The following FOXP4 variants were observed in gnomAD, a reference collection of about 807,000 sequenced individuals.
FOXP4 encodes forkhead box P4, also known as forkhead box protein P4.
FOXP4 carries 25 observed loss-of-function variants against 82.6 expected under a neutral mutation model. That is an observed-to-expected ratio of 0.30 (90% confidence interval 0.22 to 0.42). FOXP4 has a LOEUF of 0.42. Ranked by LOEUF, FOXP4 falls within the 10% of genes least tolerant of loss-of-function variation. The pLI is 1.00. For missense variants in FOXP4, 785 were observed against 900.9 expected (o/e 0.87, Z 1.65); for synonymous variants, 415 against 388.2 (o/e 1.07, Z -0.81).
Position 41,565,836 on chromosome 6 carries a change from C to T in FOXP4, c.76C>T (p.Gln26Ter), listed in dbSNP as rs762295318. Reference sequence around the variant, plus strand: ...GAATGGCGTGGGCAGCCTCTCTGGGCAAGCCGATGGCAGCAGCGGCGGGGC... The same window carrying T: ...GAATGGCGTGGGCAGCCTCTCTGGGTAAGCCGATGGCAGCAGCGGCGGGGC... ...GQNGVGSLSG[Q>*]ADGSSGGATG... Residue 26 changes from glutamine to a stop codon, truncating the protein, a stop_gained, in exon 2 of 17, where the codon CAA becomes TAA. Transcript: ENST00000307972. LOFTEE classifies it high-confidence loss of function. 1 of 1,609,814 alleles carries T rather than the reference C, an allele frequency of 6.2e-7. No homozygotes were observed. The highest frequency in any genetic ancestry group is 8.5e-7 in the Non-Finnish European group (1 of 1,178,388).
At chr6:41,589,547 G>T (rs984807335) in intron 9 of FOXP4, among the ~76,000 whole-genome samples, 9 of 152,228 alleles carry the variant, frequency 5.9e-5, no homozygotes, top group African/African-American at 2.2e-4. Context: ...TCACCATCCA[G>T]GGGAGAAAGG....
intron 7 of FOXP4, 22 bp downstream of exon 7, chr6:41,587,534 G>A (rs771821096): frequency 2.0e-6 from 3 of 1,513,114 alleles, no homozygotes; most frequent in Middle Eastern, 1.8e-4. Flanking sequence ...CAGGCTGGGA[G>A]GGGCATCAAA....
rs1264400115 is a variant in FOXP4 at position 41,554,042 on chromosome 6, G to A, written c.-17+7175G>A. 3.3e-5 allele frequency among the ~76,000 whole-genome samples: 5 copies of A among 152,268 alleles called. No homozygotes were observed. In the East Asian group the frequency reaches 9.7e-4, roughly 29 times the overall value. ...GCAGGTAGAGCTAGGTAGTCACCAG[G>A]CCCTGACTGAGGAACTGTGCTTTGC... On this transcript the variant is annotated intron_variant, in intron 1 of 16. Transcript: ENST00000307972.
chr6:41,596,566 G>GT (rs911939911), intron 14 of FOXP4, among the ~76,000 whole-genome samples: 9 of 151,896 alleles, frequency 5.9e-5, no homozygotes, highest in African/African-American at 1.9e-4. Flanking sequence ...ACCTTTGGCT[G>GT]TTTCCTTAAG....
intron 14 of FOXP4, among the ~76,000 whole-genome samples, chr6:41,595,760 G>A (rs1275571292): frequency 6.6e-6 from 1 of 151,418 alleles, no homozygotes; most frequent in African/African-American, 2.4e-5. Context: ...CCACGACCAC[G>A]CCCGGCTAAT....
intron 1 of FOXP4, chr6:41,547,696 T>C (rs1763728157): frequency 6.6e-6 from 1 of 152,120 alleles, no homozygotes; most frequent in African/African-American, 2.4e-5. Context: ...GAGCTCCCGC[T>C]TCACCACTTA....
intron 2 of FOXP4, among the ~76,000 whole-genome samples, chr6:41,568,368 G>C (rs1270389938): frequency 2.0e-5 from 3 of 152,192 alleles, no homozygotes; most frequent in Non-Finnish European, 4.4e-5. Context: ...GAGTTGTCAA[G>C]ATGGCACAAT....
chr6:41,587,731 G>A (rs1356131618), intron 7 of FOXP4, 62 bp from the exon 8 acceptor site: 2 of 1,180,926 alleles, frequency 1.7e-6, no homozygotes, highest in Non-Finnish European at 2.4e-6. Context: ...GTGCTCAGCT[G>A]ACTACAGGGC....
chr6:41,590,252 C>T lies in FOXP4; in HGVS notation c.1358-19C>T, dbSNP rs371984069. On this transcript the variant is annotated intron_variant, in intron 11 of 16. Coordinates refer to ENST00000307972, the MANE Select transcript of FOXP4 (RefSeq NM_001012426.2). ...TGAGCCCCATATCTGGCTACCTCAT[C>T]CTCTGCCTGTCTCCCCAGAGCTGGC... The T allele has an allele frequency of 3.3e-5, 54 of 1,613,800 alleles. 1 individual carries two copies. The African/African-American group carries it at 6.0e-4, about 18-fold the overall frequency.
At chr6:41,576,563 C>T (rs1447676036) in intron 2 of FOXP4, among the ~76,000 whole-genome samples, 4 of 152,130 alleles carry the variant, frequency 2.6e-5, no homozygotes, top group South Asian at 2.1e-4. Context: ...CACAGGCGGG[C>T]GCATTTCGTC....
intron 1 of FOXP4, among the ~76,000 whole-genome samples, chr6:41,564,307 T>C (rs1318039926): frequency 6.6e-6 from 1 of 152,106 alleles, no homozygotes; most frequent in Admixed American, 6.5e-5. Context: ...TAGTACCAGC[T>C]ACTTGGGAGG....
intron 13 of FOXP4, among the ~76,000 whole-genome samples, chr6:41,592,420 T>C (rs1766574933): frequency 6.6e-6 from 1 of 152,180 alleles, no homozygotes; most frequent in African/African-American, 2.4e-5. Context: ...CTGCTGTAAT[T>C]GGCTGTGAGT....
chr6:41,590,459 C>CGGAG, intron 12 of FOXP4, 112 bp downstream of exon 12: 1 of 1,145,010 alleles, frequency 8.7e-7, no homozygotes, highest in Middle Eastern at 2.3e-4. Flanking sequence ...GGAGCTGTCC[C>CGGAG]GCTCCCTCTC....
intron 7 of FOXP4, 114 bp downstream of exon 7, chr6:41,587,626 C>T: frequency 1.1e-6 from 1 of 904,138 alleles, no homozygotes; most frequent in East Asian, 4.2e-5. Flanking sequence ...ACCGGAGGTT[C>T]ACTCCCTCTC....
At chr6:41,552,852 C>T (rs67470086) in intron 1 of FOXP4, among the ~76,000 whole-genome samples, 11,653 of 152,124 alleles carry the variant, frequency 0.077, 512 homozygotes, top group Non-Finnish European at 0.092. Context: ...TGTACCCACA[C>T]GGGTACATGA....
At chr6:41,564,794 GA>G (rs1735364991) in intron 1 of FOXP4, among the ~76,000 whole-genome samples, 1 of 151,960 alleles carries the variant, frequency 6.6e-6, no homozygotes, top group South Asian at 2.1e-4. Context: ...CTTTAAAATG[GA>G]AGATGGAAGG....
intron 3 of FOXP4, among the ~76,000 whole-genome samples, chr6:41,579,250 G>C (rs1341383854): frequency 6.6e-6 from 1 of 152,168 alleles, no homozygotes; most frequent in Non-Finnish European, 1.5e-5. Flanking sequence ...GGCGTGGCCT[G>C]GGGTGGAGGA....
At chr6:41,562,881 G>A (rs1488917465) in intron 1 of FOXP4, among the ~76,000 whole-genome samples, 1 of 152,214 alleles carries the variant, frequency 6.6e-6, no homozygotes, top group Non-Finnish European at 1.5e-5. Flanking sequence ...CTGCTGGCTG[G>A]GTGGTTTCAG....
chr6:41,565,795 C>T lies in FOXP4; in HGVS notation c.35C>T (p.Ser12Leu), dbSNP rs750668815. 4.3e-6 allele frequency: 7 copies of T among 1,612,178 alleles called. No homozygotes were observed. Among genetic ancestry groups the T allele is most frequent in the South Asian group, 1.1e-5 (1 of 90,888 alleles). The change falls in exon 2 of 17, where the codon TCG becomes TTG. Residue 12 changes from serine (S) to leucine (L), a missense_variant. This residue lies in a region of FOXP4 where 570 missense variants were observed against 634.0 expected (regional missense o/e 0.90). Coordinates refer to ENST00000307972, the MANE Select transcript of FOXP4 (RefSeq NM_001012426.2). ...MVESASETIR[S>L]APSGQNGVGS... is the part of the protein sequence containing the mutation. ...GAATCTGCCTCGGAGACAATCAGGTCGGCTCCATCTGGTCAGAATGGCGTG... is the reference window on the plus strand; with the variant it reads ...GAATCTGCCTCGGAGACAATCAGGTTGGCTCCATCTGGTCAGAATGGCGTG...
Sources: allele counts gnomAD v4.1 joint callset (sites outside exome capture counted in the v4.1 genomes callset), GRCh38; gene constraint gnomAD v4.1.1; regional missense constraint gnomAD v4.1.1; transcripts MANE v1.5; gene names NCBI Gene and HGNC (gene_info 2026-07-23, HGNC 2026-07-21).